Variants in PIK3C2G observed in about 807,000 individuals in gnomAD.
PIK3C2G encodes phosphatidylinositol 3-kinase C2 domain-containing subunit gamma.
Under a neutral mutation model 181.1 loss-of-function variants are expected in PIK3C2G, and 168 were observed. That is an observed-to-expected ratio of 0.93 (90% CI 0.82 to 1.05). The LOEUF (loss-of-function observed/expected upper bound fraction) is 1.05. PIK3C2G is among the 50% of genes least tolerant of loss of function. PIK3C2G has a pLI of 0.00. For synonymous variants in PIK3C2G, 573 were observed against 592.2 expected (o/e 0.97, Z 0.47); for missense variants, 1,869 against 1,732.8 (o/e 1.08, Z -1.40).
At chr12:18,450,915 T>G (rs1383570419) in intron 18 of PIK3C2G, among the ~76,000 whole-genome samples, 2 of 152,204 alleles carry the variant, frequency 1.3e-5, no homozygotes, top group East Asian at 3.9e-4. Flanking sequence ...CTGAGGCCAC[T>G]GTTCTGTTCC....
chr12:18,324,234 C>T lies in PIK3C2G; in HGVS notation c.1209-801C>T, dbSNP rs535110906. On this transcript the variant is annotated intron_variant, in intron 7 of 32. Coordinates refer to ENST00000538779, the MANE Select transcript of PIK3C2G (RefSeq NM_001288772.2). ...ACTCCGTCTCAAAAAAAAAAAACCA[C>T]TGCCATTGCCCAAATCTTTAGTTAT... is the stretch of plus-strand genomic sequence containing the variant. Among the ~76,000 whole-genome samples the T allele has an allele frequency of 2.6e-5, 4 of 152,046 alleles. No individual in the cohort carries two copies. The South Asian group carries it at 6.2e-4, about 24-fold the overall frequency.
chr12:18,669,622 T>C, the PIK3C2G span, among the ~76,000 whole-genome samples: 7 of 152,016 alleles, frequency 4.6e-5, no homozygotes, highest in Admixed American at 2.0e-4. Context: ...TGCAGCTGAA[T>C]CCTCACATGG....
At chr12:18,260,930 ATT>A (rs919823460), upstream of PIK3C2G, among the ~76,000 whole-genome samples, 11 of 152,100 alleles carry the variant, frequency 7.2e-5, no homozygotes, top group African/African-American at 2.7e-4. Flanking sequence ...TCTTATAAAT[ATT>A]GTTTTATTTT....
intron 12 of PIK3C2G, among the ~76,000 whole-genome samples, chr12:18,363,842 T>A (rs1356012228): frequency 6.6e-6 from 1 of 152,162 alleles, no homozygotes; most frequent in African/African-American, 2.4e-5. Context: ...TGACCTTCAA[T>A]TCTCGCATAC....
the PIK3C2G span, among the ~76,000 whole-genome samples, chr12:18,679,297 A>T: frequency 2.2e-3 from 336 of 152,138 alleles, no homozygotes; most frequent in African/African-American, 7.4e-3. Flanking sequence ...TTTTAAAAAA[A>T]TTTTGATGAA....
intron 30 of PIK3C2G, among the ~76,000 whole-genome samples, chr12:18,605,390 T>C (rs1947963946): frequency 6.6e-6 from 1 of 152,148 alleles, no homozygotes; most frequent in Non-Finnish European, 1.5e-5. Flanking sequence ...AAAATGGTAG[T>C]TAATAAATTA....
intron 16 of PIK3C2G, among the ~76,000 whole-genome samples, chr12:18,409,572 C>G (rs1228596158): frequency 2.6e-5 from 4 of 152,022 alleles, no homozygotes; most frequent in African/African-American, 9.7e-5. Flanking sequence ...TAAAAATAAG[C>G]TTCCTGTTAG....
chr12:18,358,308 G>C (rs1468842820), intron 11 of PIK3C2G: 1 of 152,904 alleles, frequency 6.5e-6, no homozygotes, highest in African/African-American at 2.4e-5. Flanking sequence ...CTTTATGCCA[G>C]CAAGCTGGGA....
intron 24 of PIK3C2G, among the ~76,000 whole-genome samples, chr12:18,511,469 A>T (rs1942202798): frequency 6.6e-6 from 1 of 151,924 alleles, no homozygotes; most frequent in African/African-American, 2.4e-5. Context: ...CCTTTTTTTA[A>T]ACCCTCCCCA....
At chr12:18,314,509 C>T (rs114302510) in intron 6 of PIK3C2G, 1,574 of 154,206 alleles carry the variant, frequency 0.01, 32 homozygotes, top group African/African-American at 0.036. Context: ...CTCTCTCTTT[C>T]TCTTTCCTCT....
upstream of PIK3C2G, among the ~76,000 whole-genome samples, chr12:18,243,639 T>TA (rs1264552472): frequency 6.6e-6 from 1 of 152,034 alleles, no homozygotes; most frequent in African/African-American, 2.4e-5. Context: ...AAGTGCTTGT[T>TA]ATGGAGCCAT....
intron 6 of PIK3C2G, among the ~76,000 whole-genome samples, chr12:18,315,052 T>C (rs1054885324): frequency 6.6e-6 from 1 of 152,236 alleles, no homozygotes; most frequent in African/African-American, 2.4e-5. Context: ...AGTTTTTATC[T>C]GTAGAATCTT....
At chr12:18,644,906 A>G (rs1285445121) in intron 32 of PIK3C2G, among the ~76,000 whole-genome samples, 2 of 152,174 alleles carry the variant, frequency 1.3e-5, no homozygotes, top group Non-Finnish European at 2.9e-5. Context: ...CTCTCATTTC[A>G]ATCATGAAAA....
chr12:18,462,059 C>T (rs894054700), intron 18 of PIK3C2G, among the ~76,000 whole-genome samples: 5 of 152,180 alleles, frequency 3.3e-5, no homozygotes, highest in African/African-American at 1.2e-4. Context: ...AAAATCTCCC[C>T]ATCTCAAAAT....
At chr12:18,545,100 A>G (rs1374596695) in intron 25 of PIK3C2G, among the ~76,000 whole-genome samples, 1 of 151,836 alleles carries the variant, frequency 6.6e-6, no homozygotes, top group Non-Finnish European at 1.5e-5. Flanking sequence ...ATAGAGTACA[A>G]AATCCTTAAT....
chr12:18,689,833 T>C, the PIK3C2G span, among the ~76,000 whole-genome samples: 1 of 152,162 alleles, frequency 6.6e-6, no homozygotes, highest in African/African-American at 2.4e-5. Flanking sequence ...AGAAAGCTTA[T>C]AGTAAAACTT....
chr12:18,392,045 G>A (rs4763498), intron 15 of PIK3C2G, among the ~76,000 whole-genome samples: 19,509 of 152,060 alleles, frequency 0.13, 1,294 homozygotes, highest in African/African-American at 0.16. Context: ...TGGAGTGGAC[G>A]TGACAGTAGA....
At chr12:18,490,709 T>G (rs546459943) in intron 19 of PIK3C2G, among the ~76,000 whole-genome samples, 6 of 152,340 alleles carry the variant, frequency 3.9e-5, no homozygotes, top group Admixed American at 3.3e-4. Context: ...AATGACAGGA[T>G]CTCATTCCTT....
intron 6 of PIK3C2G, 93 bp from the exon 7 acceptor site, chr12:18,320,869 G>A: frequency 1.4e-6 from 1 of 702,760 alleles, no homozygotes; most frequent in Non-Finnish European, 2.5e-6. Flanking sequence ...CAAAATAGGT[G>A]AATAAAATGA....
Sources: gnomAD v4.1 joint callset for allele counts (sites outside exome capture counted in the v4.1 genomes callset) on GRCh38, gnomAD v4.1.1 for gene constraint, MANE v1.5 for transcripts, NCBI Gene and HGNC (gene_info 2026-07-23, HGNC 2026-07-21) for gene names.